CABYR: variants seen among roughly 807,000 people sequenced by gnomAD.
The protein encoded by CABYR is calcium-binding tyrosine phosphorylation-regulated protein.
A neutral mutation model predicts 36.1 loss-of-function variants in CABYR; 31 were observed. The ratio of observed to expected loss-of-function variants is 0.86; its 90% CI spans 0.64 to 1.16. The LOEUF (loss-of-function observed/expected upper bound fraction) is 1.16. CABYR is among the 50% of genes most tolerant of loss of function. The pLI, the probability that CABYR is intolerant of heterozygous loss-of-function variation, is 0.00. For synonymous variants in CABYR, 146 were observed against 160.7 expected (o/e 0.91, Z 0.69); for missense variants, 429 against 455.8 (o/e 0.94, Z 0.53).
chr18:24,158,888 C>G (rs931857701), intron 4 of CABYR, among the ~76,000 whole-genome samples: 1 of 152,232 alleles, frequency 6.6e-6, no homozygotes, highest in Middle Eastern at 3.4e-3. Context: ...TTACTGCCAC[C>G]TAGGATCTAT....
rs3786417 is a variant in CABYR at position 24,155,722 on chromosome 18, C to T, written c.221C>T (p.Thr74Met). The T allele has an allele frequency of 6.2e-3, 9,888 of 1,603,238 alleles. 398 individuals are homozygous for T. The East Asian group carries it at 0.13, about 21-fold the overall frequency. The change falls in exon 4 of 6, where the codon ACG (threonine) becomes ATG (methionine). Residue 74 changes from threonine (T) to methionine (M), a missense_variant. Physicochemically the swap from Thr to Met is moderately conservative, Grantham distance 81. Transcript: ENST00000399496. ...QIKVEKWSEG[T>M]TPQKKLECLK... ...TCAGTAGAGAAATGGTCAGAAGGAA[C>T]GACACCACAGAAGAAATTAGAATGT... is the stretch of plus-strand genomic sequence containing the variant.
At position 24,159,873 on chromosome 18, in the gene CABYR, G is replaced by T; in HGVS notation, c.943G>T (p.Ala315Ser). Residue 315 changes from alanine (A) to serine (S), a missense_variant, in exon 5 of 6, where the codon GCT becomes TCT. Physicochemically the swap from Ala to Ser is moderately conservative, Grantham distance 99. Transcript: ENST00000399496. ...GAAACATACCCTAAGTCCCCAGAATGCTAATCCTCCAAGTGGACAAGATGT... is the reference window on the plus strand; with the variant it reads ...GAAACATACCCTAAGTCCCCAGAATTCTAATCCTCCAAGTGGACAAGATGT... ...YQKHTLSPQNANPPSGQDVPR... is the reference protein window; with the variant it reads ...YQKHTLSPQNSNPPSGQDVPR... The T allele has an allele frequency of 1.2e-6, 2 of 1,614,136 alleles. No individual in the cohort carries two copies. The highest frequency in any genetic ancestry group is 1.7e-6 in the Non-Finnish European group (2 of 1,180,046).
At chr18:24,152,598 T>A (rs1382203129) in intron 3 of CABYR, 1 of 152,216 alleles carries the variant, frequency 6.6e-6, no homozygotes, top group African/African-American at 2.4e-5. Flanking sequence ...GACAAAAATA[T>A]TGAGCTTTTT....
At chr18:24,149,517 G>A (rs1024132588) in intron 3 of CABYR, among the ~76,000 whole-genome samples, 1 of 152,244 alleles carries the variant, frequency 6.6e-6, no homozygotes, top group African/African-American at 2.4e-5. Flanking sequence ...GGGGACTGCA[G>A]GTGGAGCTGC....
At chr18:24,140,969 C>CA (rs1435644511) in intron 1 of CABYR, among the ~76,000 whole-genome samples, 2 of 152,100 alleles carry the variant, frequency 1.3e-5, no homozygotes, top group Non-Finnish European at 2.9e-5. Flanking sequence ...AGGTTGCTTC[C>CA]AAATCTTAGC....
At chr18:24,159,030 G>A (rs2145886940) in intron 4 of CABYR, among the ~76,000 whole-genome samples, 1 of 152,274 alleles carries the variant, frequency 6.6e-6, no homozygotes, top group South Asian at 2.1e-4. Flanking sequence ...TTGATTATGT[G>A]AAGATGACAC....
chr18:24,148,296 C>T (rs114909318), intron 3 of CABYR, among the ~76,000 whole-genome samples: 15 of 152,176 alleles, frequency 9.9e-5, no homozygotes. Context: ...TCTACGAATA[C>T]TCTCAGTGGA....
At chr18:24,157,462 A>G (rs1164134502) in intron 4 of CABYR, among the ~76,000 whole-genome samples, 2 of 152,154 alleles carry the variant, frequency 1.3e-5, no homozygotes, top group African/African-American at 2.4e-5. Flanking sequence ...CTGCTTTCAC[A>G]CTGAGTCAGG....
intron 4 of CABYR, chr18:24,156,535 A>G (rs1599395249): frequency 6.2e-7 from 1 of 1,614,196 alleles, no homozygotes; most frequent in Non-Finnish European, 8.5e-7. Context: ...GTTAGTCCCA[A>G]ATCTGTAGTA....
chr18:24,151,689 T>TC (rs1369795701), intron 3 of CABYR, among the ~76,000 whole-genome samples: 1 of 146,658 alleles, frequency 6.8e-6, no homozygotes, highest in Non-Finnish European at 1.5e-5. Flanking sequence ...AGTGTTGGCT[T>TC]TTTTTTTTTT....
intron 5 of CABYR, 180 bp downstream of exon 5, chr18:24,160,249 A>G: frequency 3.4e-6 from 2 of 596,906 alleles, no homozygotes; most frequent in Non-Finnish European, 5.9e-6. Flanking sequence ...TAATAAATGC[A>G]CAGCAGGTGC....
chr18:24,156,222 G>T, intron 4 of CABYR, 180 bp downstream of exon 4: 1 of 1,614,148 alleles, frequency 6.2e-7, no homozygotes, highest in Non-Finnish European at 8.5e-7. Flanking sequence ...CCAAACATCT[G>T]TCCATGTAGA....
At position 24,156,482 on chromosome 18, in the gene CABYR, TAAAGAAAATGAGCAGTCA is replaced by T. The variant is rs747768537; in HGVS notation, c.541+459_541+476del. 194 of 1,614,124 alleles carry T rather than the reference TAAAGAAAATGAGCAGTCA, an allele frequency of 1.2e-4. 1 individual carries two copies. Among genetic ancestry groups the T allele is most frequent in the Admixed American group, 9.2e-4 (55 of 60,022 alleles). Reference sequence around the variant, plus strand: ...CTTTTACTGATCAAGTTGCTTGTCTTAAAGAAAATGAGCAGTCAAAAGAAAATGAGCAGTCACCACGAG... The same window carrying T: ...CTTTTACTGATCAAGTTGCTTGTCTTAAAGAAAATGAGCAGTCACCACGAG... On this transcript the variant is annotated intron_variant, in intron 4 of 5. Transcript: ENST00000399496.
intron 3 of CABYR, among the ~76,000 whole-genome samples, chr18:24,145,907 A>AT (rs927127890): frequency 1.3e-5 from 2 of 152,204 alleles, no homozygotes; most frequent in Non-Finnish European, 2.9e-5. Context: ...AAGCTGAAGT[A>AT]TGCCCACTTC....
intron 3 of CABYR, chr18:24,150,621 T>C (rs188118253): frequency 6.2e-6 from 6 of 962,318 alleles, no homozygotes; most frequent in Admixed American, 1.2e-4. Flanking sequence ...CCACCTACTT[T>C]ATAGTCTCTG....
Position 24,143,161 on chromosome 18 carries a change from C to G in CABYR, c.47C>G (p.Thr16Ser), listed in dbSNP as rs1159563308. The G allele has an allele frequency of 6.2e-7, 1 of 1,613,760 alleles. No homozygotes were observed. The highest frequency in any genetic ancestry group is 1.7e-5 in the Admixed American group (1 of 59,966). The change falls in exon 2 of 6, where the codon ACT (threonine) becomes AGT (serine). Residue 16 changes from threonine to serine, a missense_variant. Thr to Ser is a moderately conservative substitution (Grantham distance 58, BLOSUM62 1). Coordinates refer to ENST00000399496, the MANE Select transcript of CABYR (RefSeq NM_153769.3). ...CTTGTCGTACCCTATGGCCTCAAGA[C>G]TCTGCTCGAGGGAATTAGCAGAGCT... ...PRLVVPYGLK[T>S]LLEGISRAVL...
At chr18:24,156,921 C>A (rs1312112355) in intron 4 of CABYR, 1 of 1,614,006 alleles carries the variant, frequency 6.2e-7, no homozygotes, top group Non-Finnish European at 8.5e-7. Context: ...CCCCTTCCCT[C>A]CTGCTCCAGA....
chr18:24,145,768 G>A (rs1175501753), intron 3 of CABYR, among the ~76,000 whole-genome samples: 3 of 152,116 alleles, frequency 2.0e-5, no homozygotes, highest in African/African-American at 7.2e-5. Context: ...TTGTGAAACC[G>A]TGGCAATTCA....
chr18:24,156,383 A>C, intron 4 of CABYR: 1 of 1,614,226 alleles, frequency 6.2e-7, no homozygotes. Context: ...TTCATATATC[A>C]TCTGTCTATA....
Sources: allele counts gnomAD v4.1 joint callset (sites outside exome capture counted in the v4.1 genomes callset), GRCh38; gene constraint gnomAD v4.1.1; transcripts MANE v1.5; gene names NCBI Gene and HGNC (gene_info 2026-07-23, HGNC 2026-07-21).